KCMF1: variants seen among roughly 807,000 people sequenced by gnomAD.
KCMF1 encodes the protein E3 ubiquitin-protein ligase KCMF1.
KCMF1 carries 3 observed loss-of-function variants against 41.1 expected under a neutral mutation model. That is an observed-to-expected ratio of 0.07 (90% CI 0.03 to 0.19). The LOEUF is 0.19. Ranked by LOEUF, KCMF1 falls within the 10% of genes least tolerant of loss-of-function variation. KCMF1 has a pLI of 1.00. For synonymous variants in KCMF1, 142 were observed against 164.5 expected (o/e 0.86, Z 1.04); for missense variants, 286 against 488.9 (o/e 0.58, Z 3.91).
chr2:84,981,437 C>T (rs1442997899), intron 1 of KCMF1, among the ~76,000 whole-genome samples: 1 of 152,106 alleles, frequency 6.6e-6, no homozygotes, highest in Non-Finnish European at 1.5e-5. Context: ...GATCCACCCA[C>T]CTCGGCCTCC....
In KCMF1 at chr2:84,981,275, C is replaced by T. The variant is rs1201104937; in HGVS notation, c.16+9808C>T. On this transcript the variant is annotated intron_variant, in intron 1 of 6. Transcript: ENST00000409785. ...TGCAATCTCGGCTCACTGCAAGCTC[C>T]GCCTCCCGGGTTCATGCCATTCTCC... is the stretch of plus-strand genomic sequence containing the variant. Among the ~76,000 whole-genome samples the T allele has an allele frequency of 5.3e-5, 8 of 151,734 alleles. No homozygotes were observed. The East Asian group carries it at 9.7e-4, about 18-fold the overall frequency.
Position 85,049,514 on chromosome 2 carries a change from C to A in KCMF1, c.750C>A (p.Thr250=). 1 of 1,613,998 alleles carries A rather than the reference C, an allele frequency of 6.2e-7. No homozygotes were observed. The highest frequency in any genetic ancestry group is 8.5e-7 in the Non-Finnish European group (1 of 1,179,900). The change falls in exon 6 of 7, where the codon ACC becomes ACA. Residue 250 remains threonine, a synonymous_variant. Transcript: ENST00000409785. ...HAQAARQQLE[T]ARNATRRTNT... is the part of the protein sequence containing the mutation. The stretch of plus-strand genomic sequence containing the variant: ...AGGCAGCACGGCAACAACTGGAGAC[C>A]GCACGCAACGCAACCCGGCGTACTA...
At chr2:85,027,351 G>A (rs888185356) in intron 1 of KCMF1, among the ~76,000 whole-genome samples, 3 of 135,142 alleles carry the variant, frequency 2.2e-5, no homozygotes, top group Non-Finnish European at 4.7e-5. Flanking sequence ...TTACCTTCTT[G>A]CTGGCTTATC....
At chr2:84,994,951 A>G (rs1428426514) in intron 1 of KCMF1, among the ~76,000 whole-genome samples, 1 of 152,188 alleles carries the variant, frequency 6.6e-6, no homozygotes, top group Non-Finnish European at 1.5e-5. Context: ...ATATTTTAAT[A>G]CATTCTTTTC....
intron 1 of KCMF1, among the ~76,000 whole-genome samples, chr2:84,991,246 C>T (rs1404773124): frequency 1.3e-5 from 2 of 152,072 alleles, no homozygotes; most frequent in Non-Finnish European, 2.9e-5. Flanking sequence ...CATTTACTGA[C>T]ATGGGGAAGG....
At chr2:84,989,209 G>A (rs1179275713) in intron 1 of KCMF1, among the ~76,000 whole-genome samples, 1 of 152,146 alleles carries the variant, frequency 6.6e-6, no homozygotes, top group Non-Finnish European at 1.5e-5. Flanking sequence ...CTATGAGACA[G>A]GTGATTATAA....
intron 1 of KCMF1, among the ~76,000 whole-genome samples, chr2:85,025,967 C>T (rs115200357): frequency 0.01 from 1,542 of 151,854 alleles, 17 homozygotes; most frequent in African/African-American, 0.035. Context: ...TGAAACCCAC[C>T]TACAGAATTT....
At chr2:84,984,920 C>T (rs1248804360) in intron 1 of KCMF1, among the ~76,000 whole-genome samples, 1 of 151,958 alleles carries the variant, frequency 6.6e-6, no homozygotes. Flanking sequence ...AACTCTTGGG[C>T]TCAATCCCCT....
chr2:85,055,836 C>G lies in KCMF1; in HGVS notation c.*2427C>G, dbSNP rs1306061232. 1 of 152,136 alleles carries G rather than the reference C, an allele frequency of 6.6e-6. No homozygotes were observed. The highest frequency in any genetic ancestry group is 1.5e-5 in the Non-Finnish European group (1 of 68,016). 9.4% of individuals were successfully genotyped at this position (152,136 alleles called of 1,614,324 possible). A position where few individuals can be genotyped will look rare whatever the true frequency, so the allele number is the denominator to read the frequency against. On this transcript the variant is annotated 3_prime_UTR_variant, in exon 7 of 7. Coordinates refer to ENST00000409785, the MANE Select transcript of KCMF1 (RefSeq NM_020122.5). Reference sequence around the variant, plus strand: ...CCACTGTTTATTTTGGCAGCACCTTCAAATTTCTAAGGACCAGATCCTGAA... The same window carrying G: ...CCACTGTTTATTTTGGCAGCACCTTGAAATTTCTAAGGACCAGATCCTGAA...
At chr2:85,020,517 C>T (rs1428889473) in intron 1 of KCMF1, among the ~76,000 whole-genome samples, 1 of 152,136 alleles carries the variant, frequency 6.6e-6, no homozygotes, top group Non-Finnish European at 1.5e-5. Flanking sequence ...CAGTCTCAAC[C>T]TCCTAGACTC....
intron 1 of KCMF1, among the ~76,000 whole-genome samples, chr2:84,976,935 C>T (rs1192068290): frequency 6.6e-6 from 1 of 151,926 alleles, no homozygotes; most frequent in African/African-American, 2.4e-5. Flanking sequence ...AATATGTATA[C>T]ATTGTAGAAT....
At chr2:84,982,771 T>C (rs1673798546) in intron 1 of KCMF1, among the ~76,000 whole-genome samples, 1 of 152,176 alleles carries the variant, frequency 6.6e-6, no homozygotes, top group Non-Finnish European at 1.5e-5. Flanking sequence ...CCCAGGTAGT[T>C]TTCATGTTCA....
At chr2:85,039,147 T>C (rs1444814775) in intron 3 of KCMF1, among the ~76,000 whole-genome samples, 2 of 152,264 alleles carry the variant, frequency 1.3e-5, no homozygotes, top group Non-Finnish European at 2.9e-5. Flanking sequence ...TGGTACTCAG[T>C]AAGTGCTTAA....
At chr2:85,014,490 C>T (rs2104008733) in intron 1 of KCMF1, among the ~76,000 whole-genome samples, 1 of 152,128 alleles carries the variant, frequency 6.6e-6, no homozygotes, top group South Asian at 2.1e-4. Context: ...AAAGAATCAA[C>T]AGTTCAGTGA....
intron 1 of KCMF1, among the ~76,000 whole-genome samples, chr2:85,018,749 C>T (rs1299323913): frequency 6.8e-6 from 1 of 147,008 alleles, no homozygotes; most frequent in Non-Finnish European, 1.5e-5. Context: ...CATTATTTTA[C>T]AATATTTGAA....
chr2:85,031,854 C>A (rs1412255315), intron 2 of KCMF1, among the ~76,000 whole-genome samples: 1 of 152,074 alleles, frequency 6.6e-6, no homozygotes, highest in Non-Finnish European at 1.5e-5. Flanking sequence ...ATCTTCCCAT[C>A]TCAGCCTTCC....
chr2:84,974,556 G>A (rs1258306479), intron 1 of KCMF1, among the ~76,000 whole-genome samples: 2 of 150,070 alleles, frequency 1.3e-5, no homozygotes, highest in South Asian at 2.1e-4. Flanking sequence ...CAGGCTTGGC[G>A]GAGCTGTAAT....
Position 84,991,413 on chromosome 2 carries a change from A to G in KCMF1, c.16+19946A>G, listed in dbSNP as rs907077944. 6.6e-5 allele frequency among the ~76,000 whole-genome samples: 10 copies of G among 152,270 alleles called. 1 individual carries two copies. In the South Asian group the frequency reaches 1.7e-3, roughly 25 times the overall value. ...TGGTTGAATGAATATGAATAAATAC[A>G]TGCTCAGCAGCAATATCATTAGAAA... is the stretch of plus-strand genomic sequence containing the variant. On this transcript the variant is annotated intron_variant, in intron 1 of 6. Transcript: ENST00000409785.
chr2:84,996,679 AC>A (rs1674184228), intron 1 of KCMF1, among the ~76,000 whole-genome samples: 1 of 152,010 alleles, frequency 6.6e-6, no homozygotes, highest in African/African-American at 2.4e-5. Context: ...CAGGTGATCC[AC>A]CTGCCTCGGC....
Sources: allele counts gnomAD v4.1 joint callset (sites outside exome capture counted in the v4.1 genomes callset), GRCh38; gene constraint gnomAD v4.1.1; transcripts MANE v1.5; gene names NCBI Gene and HGNC (gene_info 2026-07-23, HGNC 2026-07-21).